The following PRCC variants were observed in gnomAD, a reference collection of about 807,000 sequenced individuals.
The protein encoded by PRCC is proline-rich protein PRCC.
Under a neutral mutation model 44.0 loss-of-function variants are expected in PRCC, and 10 were observed. The observed-to-expected ratio is 0.23, with a 90% CI of 0.14 to 0.39. PRCC has a LOEUF of 0.39. Ranked by LOEUF, PRCC falls within the 10% of genes least tolerant of loss-of-function variation. The pLI, the probability that PRCC is intolerant of heterozygous loss-of-function variation, is 1.00. For missense variants in PRCC, 573 were observed against 624.7 expected (o/e 0.92, Z 0.88); for synonymous variants, 278 against 259.5 (o/e 1.07, Z -0.69).
rs1479784893 is a variant in PRCC, at chr1:156,779,118, ATATATATATATTTTTTTTTTTTTTT to A, written c.469-3162_469-3138del. Among the ~76,000 whole-genome samples, 63 of 19,106 alleles carry A rather than the reference ATATATATATATTTTTTTTTTTTTTT, an allele frequency of 3.3e-3. 2 individuals are homozygous for A. The highest frequency in any genetic ancestry group is 0.016 in the African/African-American group (59 of 3,602). The allele number at this position is 19,106 out of a possible 152,430, so 12.5% of individuals were successfully genotyped here. A position where few individuals can be genotyped will look rare whatever the true frequency, so the allele number is the denominator to read the frequency against. On this transcript the variant is annotated intron_variant, in intron 1 of 6. Transcript: ENST00000271526. ...CCGGCCGGGTAATATATATATATAT[ATATATATATATTTTTTTTTTTTTTT>A]TTTTTTTTTTTTTTTTCTTTTTTTC... is the stretch of plus-strand genomic sequence containing the variant.
chr1:156,779,130 T>TATATATATATATATATA (rs1651949215), intron 1 of PRCC, among the ~76,000 whole-genome samples: 1 of 15,890 alleles, frequency 6.3e-5, no homozygotes, highest in Non-Finnish European at 1.1e-4. Flanking sequence ...ATATATATAT[T>TATATATATATATATATA]TTTTTTTTTT....
intron 1 of PRCC, 24 bp from the exon 2 acceptor site, chr1:156,782,258 T>C: frequency 6.3e-7 from 1 of 1,582,896 alleles, no homozygotes; most frequent in Non-Finnish European, 8.7e-7. Context: ...CAGTGAGGCC[T>C]TACTTCATTT....
chr1:156,773,998 A>G (rs1052028450), intron 1 of PRCC, among the ~76,000 whole-genome samples: 1 of 152,114 alleles, frequency 6.6e-6, no homozygotes, highest in Admixed American at 6.6e-5. Flanking sequence ...GCCAGTCACA[A>G]AAGGACAAAT....
rs67388360 is a variant in PRCC, at chr1:156,792,053, C to CTTTTTTTTTTTTT, written c.1179+277_1179+289dup. ...ACAGAGTCAGGGATCTAGTCCCCTT[C>CTTTTTTTTTTTTT]TTTTTTTTTTTTTTTTTTTTTTTTT... is the stretch of plus-strand genomic sequence containing the variant. On this transcript the variant is annotated intron_variant, in intron 4 of 6. Transcript: ENST00000271526. Among the ~76,000 whole-genome samples the CTTTTTTTTTTTTT allele has an allele frequency of 2.3e-3, 136 of 58,454 alleles. 23 individuals are homozygous for CTTTTTTTTTTTTT. Among genetic ancestry groups the CTTTTTTTTTTTTT allele is most frequent in the Non-Finnish European group, 3.3e-3 (103 of 30,752 alleles). 38.3% of individuals were successfully genotyped at this position (58,454 alleles called of 152,430 possible).
At chr1:156,796,015 T>C (rs1652651608) in intron 5 of PRCC, 2 of 152,222 alleles carry the variant, frequency 1.3e-5, no homozygotes, top group Admixed American at 6.5e-5. Flanking sequence ...CAGCCGTTTG[T>C]TTTAACTGAA....
chr1:156,775,274 A>G (rs1265224790), intron 1 of PRCC, among the ~76,000 whole-genome samples: 1 of 151,416 alleles, frequency 6.6e-6, no homozygotes, highest in African/African-American at 2.4e-5. Context: ...TTGTGTGGAG[A>G]TGGGGGTCTT....
At chr1:156,774,434 A>G (rs1651747604) in intron 1 of PRCC, among the ~76,000 whole-genome samples, 1 of 150,570 alleles carries the variant, frequency 6.6e-6, no homozygotes. Flanking sequence ...CGGGCTCCCA[A>G]AGTGCTGGGA....
intron 1 of PRCC, among the ~76,000 whole-genome samples, chr1:156,768,560 C>A (rs757611642): frequency 7.2e-5 from 11 of 152,178 alleles, no homozygotes; most frequent in Admixed American, 2.0e-4. Context: ...TTTCCCCTTT[C>A]CTCCTACTGA....
chr1:156,780,324 GC>G (rs1270111554), intron 1 of PRCC, among the ~76,000 whole-genome samples: 1 of 152,094 alleles, frequency 6.6e-6, no homozygotes, highest in Non-Finnish European at 1.5e-5. Flanking sequence ...CTCCCAAAGT[GC>G]TGGGATTACA....
chr1:156,767,564 C>G lies in PRCC; in HGVS notation c.-208C>G. 1 of 590,358 alleles carries G rather than the reference C, an allele frequency of 1.7e-6. No homozygotes were observed. Among genetic ancestry groups the G allele is most frequent in the African/African-American group, 1.9e-5 (1 of 53,074 alleles). 36.6% of individuals were successfully genotyped at this position (590,358 alleles called of 1,614,324 possible). On this transcript the variant is annotated 5_prime_UTR_variant, in exon 1 of 7. Coordinates refer to ENST00000271526, the MANE Select transcript of PRCC (RefSeq NM_005973.5). Reference sequence around the variant, plus strand: ...ATTAGCTGTGTGTAGTTGCCCGGGACTAGGAGCTTAAGTGAAGAGGTACGC... The same window carrying G: ...ATTAGCTGTGTGTAGTTGCCCGGGAGTAGGAGCTTAAGTGAAGAGGTACGC...
In PRCC at chr1:156,767,807, C is replaced by T. The variant is rs1558042688; in HGVS notation, c.36C>T (p.Ser12=). The change falls in exon 1 of 7, where the codon AGC becomes AGT. Residue 12 remains serine (S), a synonymous_variant. Coordinates refer to ENST00000271526, the MANE Select transcript of PRCC (RefSeq NM_005973.5). ...SLVAYASSDE[S]EPDEAEPEPE... ...TTGCTTACGCCAGCAGCGATGAGAG[C>T]GAGCCGGATGAGGCTGAGCCCGAGC... 2.5e-6 allele frequency: 4 copies of T among 1,609,246 alleles called. No homozygotes were observed. The South Asian group carries it at 4.4e-5, about 18-fold the overall frequency.
intron 4 of PRCC, among the ~76,000 whole-genome samples, chr1:156,792,733 G>T (rs1203889325): frequency 6.6e-6 from 1 of 152,204 alleles, no homozygotes; most frequent in Non-Finnish European, 1.5e-5. Context: ...GGGATTACAG[G>T]CGTGAGCCAC....
At chr1:156,797,539 G>A (rs1291691950) in intron 6 of PRCC, among the ~76,000 whole-genome samples, 198 bp downstream of exon 6, 1 of 152,186 alleles carries the variant, frequency 6.6e-6, no homozygotes, top group African/African-American at 2.4e-5. Context: ...CAGTCTCAAT[G>A]CAGATAAGAT....
chr1:156,789,132 G>C (rs1272851413), intron 3 of PRCC, among the ~76,000 whole-genome samples: 1 of 151,158 alleles, frequency 6.6e-6, no homozygotes, highest in Admixed American at 6.6e-5. Flanking sequence ...ACCATGCCTG[G>C]CTAATTTTTG....
At chr1:156,782,433 A>T in intron 2 of PRCC, 104 bp downstream of exon 2, 1 of 1,060,766 alleles carries the variant, frequency 9.4e-7, no homozygotes, top group Non-Finnish European at 1.3e-6. Flanking sequence ...TAGAGCAAAC[A>T]CAGATATTTG....
At chr1:156,787,622 C>CATAGTACCTGATAGGT (rs144293247) in intron 3 of PRCC, among the ~76,000 whole-genome samples, 124,801 of 129,378 alleles carry the variant, frequency 0.96, 60,445 homozygotes, top group East Asian at 1. Flanking sequence ...AGGTGATGAG[C>CATAGTACCTGATAGGT]ATAGTACCTG....
At chr1:156,793,355 A>C (rs983806194) in intron 4 of PRCC, among the ~76,000 whole-genome samples, 4 of 152,184 alleles carry the variant, frequency 2.6e-5, no homozygotes, top group African/African-American at 9.7e-5. Context: ...GGTCTCACTG[A>C]AGCTTCTAAG....
At chr1:156,791,649 C>T (rs1652474869) in intron 3 of PRCC, 48 bp from the exon 4 acceptor site, 1 of 1,556,488 alleles carries the variant, frequency 6.4e-7, no homozygotes, top group Admixed American at 1.9e-5. Flanking sequence ...CTTCCCCTCT[C>T]CAACTGTGCC....
Position 156,778,007 on chromosome 1 carries a change from TCAAA to T in PRCC, c.469-4273_469-4270del, listed in dbSNP as rs1454281035. Among the ~76,000 whole-genome samples the T allele has an allele frequency of 3.3e-4, 51 of 152,346 alleles. No individual in the cohort carries two copies. The East Asian group carries it at 8.7e-3, about 26-fold the overall frequency. On this transcript the variant is annotated intron_variant, in intron 1 of 6. Coordinates refer to ENST00000271526, the MANE Select transcript of PRCC (RefSeq NM_005973.5). ...TTATGAATACTGTAGAATAATTAAA[TCAAA>T]CTAACATAGCTATCACTTCAAATGC...
Sources: gnomAD v4.1 joint callset for allele counts (sites outside exome capture counted in the v4.1 genomes callset) on GRCh38, gnomAD v4.1.1 for gene constraint, MANE v1.5 for transcripts, NCBI Gene and HGNC (gene_info 2026-07-23, HGNC 2026-07-21) for gene names.